TBC1D5: variants seen among roughly 807,000 people sequenced by gnomAD.
TBC1D5 encodes the protein TBC1 domain family member 5.
Under a neutral mutation model 100.3 loss-of-function variants are expected in TBC1D5, and 75 were observed. The ratio of observed to expected loss-of-function variants is 0.75; its 90% CI spans 0.62 to 0.91. The LOEUF is 0.91. Ranked by LOEUF, TBC1D5 falls within the 40% of genes least tolerant of loss-of-function variation. The pLI is 0.00. For synonymous variants in TBC1D5, 323 were observed against 325.6 expected, an observed-to-expected ratio of 0.99 and a Z score of 0.09; for missense variants, 910 against 942.4, an observed-to-expected ratio of 0.97 and a Z score of 0.45.
intron 3 of TBC1D5, among the ~76,000 whole-genome samples, chr3:17,485,256 A>G: frequency 6.6e-6 from 1 of 151,672 alleles, no homozygotes; most frequent in East Asian, 1.9e-4. Flanking sequence ...TCTATATTCA[A>G]TTACTTTTAA....
chr3:17,655,221 C>G (rs2065942597), intron 1 of TBC1D5, among the ~76,000 whole-genome samples: 1 of 147,786 alleles, frequency 6.8e-6, no homozygotes, highest in African/African-American at 2.5e-5. Context: ...AAACCAAACA[C>G]CGCATATTCT....
chr3:17,606,452 AG>A (rs1324998051), intron 2 of TBC1D5, among the ~76,000 whole-genome samples: 1 of 152,174 alleles, frequency 6.6e-6, no homozygotes, highest in Non-Finnish European at 1.5e-5. Context: ...GTCCAAAAAA[AG>A]AAAGTATTTT....
chr3:17,416,051 CTAAT>C (rs757822192), intron 4 of TBC1D5, among the ~76,000 whole-genome samples: 3 of 152,128 alleles, frequency 2.0e-5, no homozygotes, highest in Non-Finnish European at 4.4e-5. Context: ...ACCTGATGTC[CTAAT>C]TAAAAGTCAA....
chr3:17,730,444 T>A (rs945097431), intron 1 of TBC1D5, among the ~76,000 whole-genome samples: 27 of 152,268 alleles, frequency 1.8e-4, no homozygotes, highest in South Asian at 4.1e-4. Context: ...CACTCCTTCT[T>A]AGAAACTACC....
At chr3:17,243,438 G>A (rs2076467737) in intron 16 of TBC1D5, among the ~76,000 whole-genome samples, 1 of 152,012 alleles carries the variant, frequency 6.6e-6, no homozygotes, top group South Asian at 2.1e-4. Context: ...ATTCTGATTT[G>A]ATCATTGCAT....
intron 1 of TBC1D5, among the ~76,000 whole-genome samples, chr3:17,704,129 G>A (rs1417741877): frequency 2.1e-5 from 3 of 141,672 alleles, no homozygotes; most frequent in Non-Finnish European, 3.1e-5. Context: ...GACTCTTAAC[G>A]AGCATGCTGC....
chr3:17,478,544 T>C (rs997423537), intron 3 of TBC1D5, among the ~76,000 whole-genome samples: 7 of 152,220 alleles, frequency 4.6e-5, no homozygotes, highest in African/African-American at 1.7e-4. Flanking sequence ...TTCCTAAATA[T>C]TTAGTTCTTT....
chr3:17,562,196 A>C (rs185178687), intron 2 of TBC1D5: 5 of 152,170 alleles, frequency 3.3e-5, no homozygotes, highest in Admixed American at 3.3e-4. Flanking sequence ...AGCAAACAAA[A>C]TATAAAACTT....
intron 1 of TBC1D5, among the ~76,000 whole-genome samples, chr3:17,643,039 A>C (rs1020643275): frequency 6.6e-6 from 1 of 152,072 alleles, no homozygotes; most frequent in African/African-American, 2.4e-5. Context: ...CAGTTACGCC[A>C]CTAATGACTT....
At chr3:17,560,251 A>G (rs1192195945) in intron 2 of TBC1D5, among the ~76,000 whole-genome samples, 1 of 152,346 alleles carries the variant, frequency 6.6e-6, no homozygotes, top group East Asian at 1.9e-4. Context: ...CAAACAACTC[A>G]GGTACTTCAG....
In TBC1D5 at chr3:17,502,633, C is replaced by T. The variant is rs547568393; in HGVS notation, c.97+5841G>A. Among the ~76,000 whole-genome samples the T allele has an allele frequency of 4.7e-5, 7 of 149,602 alleles. No homozygotes were observed. The South Asian group carries it at 1.3e-3, about 27-fold the overall frequency. Reference sequence around the variant, plus strand: ...CCCAATTCTAAGTTTCAGACCCATACATCAAAATCATTAGGGTGTCTCATT... The same window carrying T: ...CCCAATTCTAAGTTTCAGACCCATATATCAAAATCATTAGGGTGTCTCATT... On this transcript the variant is annotated intron_variant, in intron 3 of 21. Transcript: ENST00000253692.
chr3:17,587,776 T>C (rs1183947201), intron 2 of TBC1D5, among the ~76,000 whole-genome samples: 1 of 152,038 alleles, frequency 6.6e-6, no homozygotes, highest in East Asian at 1.9e-4. Context: ...TGCAGAGTGC[T>C]ATATTCACAT....
chr3:17,398,799 T>G (rs1025009604), intron 8 of TBC1D5, among the ~76,000 whole-genome samples: 1 of 152,230 alleles, frequency 6.6e-6, no homozygotes, highest in Middle Eastern at 3.4e-3. Context: ...CACATTTATC[T>G]TGGCATCTCT....
At chr3:17,343,507 A>T (rs575445341) in intron 13 of TBC1D5, among the ~76,000 whole-genome samples, 34,191 of 115,788 alleles carry the variant, frequency 0.3, 6,184 homozygotes, top group Middle Eastern at 0.42. Flanking sequence ...GGATTCCCTC[A>T]TTTTCTATTG....
In TBC1D5 at chr3:17,591,255, A is replaced by C. The variant is rs866694421; in HGVS notation, c.-36+32594T>G. 2.7e-3 allele frequency among the ~76,000 whole-genome samples: 344 copies of C among 127,166 alleles called. 3 individuals carry two copies. The highest frequency in any genetic ancestry group is 0.011 in the African/African-American group (328 of 31,032). 83.4% of individuals were successfully genotyped at this position (127,166 alleles called of 152,430 possible). A position where few individuals can be genotyped will look rare whatever the true frequency, so the allele number is the denominator to read the frequency against. ...TGTCAAAAAAAAAAAAAAAAAAAAA[A>C]AAAAAAAAAAACAAAAACCCCAGAG... On this transcript the variant is annotated intron_variant, in intron 2 of 21. Transcript: ENST00000253692.
chr3:17,315,245 C>A (rs1488035179), intron 13 of TBC1D5, among the ~76,000 whole-genome samples: 1 of 152,194 alleles, frequency 6.6e-6, no homozygotes, highest in Non-Finnish European at 1.5e-5. Context: ...AGCCAAATTT[C>A]TCTTAGAATT....
rs1313891927 is a variant in TBC1D5, at chr3:17,644,707, C to T, written c.-100-20794G>A. Among the ~76,000 whole-genome samples the T allele has an allele frequency of 3.9e-5, 6 of 152,078 alleles. 1 individual carries two copies. The highest frequency in any genetic ancestry group is 1.9e-4 in the East Asian group (1 of 5,178). ...AAATATATTCCTAAACTTTATCATC[C>T]GAAAACTACAATATTTTTGTAAAGG... is the stretch of plus-strand genomic sequence containing the variant. On this transcript the variant is annotated intron_variant, in intron 1 of 21. Transcript: ENST00000253692.
intron 2 of TBC1D5, among the ~76,000 whole-genome samples, chr3:17,566,975 C>T (rs2096597754): frequency 6.6e-6 from 1 of 151,714 alleles, no homozygotes; most frequent in Non-Finnish European, 1.5e-5. Context: ...AACTAAATCA[C>T]CATCTTATTA....
intron 15 of TBC1D5, among the ~76,000 whole-genome samples, chr3:17,285,329 C>T (rs1378649638): frequency 1.4e-5 from 2 of 138,088 alleles, no homozygotes; most frequent in African/African-American, 2.7e-5. Flanking sequence ...GGCGCGATCT[C>T]GGCTCACTGC....
Sources: allele counts gnomAD v4.1 joint callset (sites outside exome capture counted in the v4.1 genomes callset), GRCh38; gene constraint gnomAD v4.1.1; transcripts MANE v1.5; gene names NCBI Gene and HGNC (gene_info 2026-07-23, HGNC 2026-07-21).